ERC1: variants seen among roughly 807,000 people sequenced by gnomAD.
ERC1 encodes ELKS/RAB6-interacting/CAST family member 1.
A neutral mutation model predicts 132.0 loss-of-function variants in ERC1; 56 were observed. The ratio of observed to expected loss-of-function variants is 0.42; its 90% CI spans 0.34 to 0.53. The LOEUF (loss-of-function observed/expected upper bound fraction) is 0.53. ERC1 is among the 20% of genes least tolerant of loss of function. ERC1 has a pLI of 0.03. For synonymous variants in ERC1, 478 were observed against 476.1 expected (o/e 1.00, Z -0.05); for missense variants, 1,202 against 1,349.9 (o/e 0.89, Z 1.72).
At chr12:1,188,281 C>T (rs1166219743) in intron 11 of ERC1, among the ~76,000 whole-genome samples, 1 of 152,122 alleles carries the variant, frequency 6.6e-6, no homozygotes. Flanking sequence ...GTTGTCCCCT[C>T]TCTTTATGTG....
intron 4 of ERC1, 24 bp from the exon 5 acceptor site, chr12:1,110,168 C>T: frequency 6.4e-7 from 1 of 1,564,236 alleles, no homozygotes; most frequent in Non-Finnish European, 8.6e-7. Context: ...ATACTTCAAT[C>T]ACTAAATCTT....
chr12:1,470,327 C>T (rs534360111), intron 18 of ERC1, among the ~76,000 whole-genome samples: 19 of 152,166 alleles, frequency 1.2e-4, no homozygotes, highest in South Asian at 8.3e-4. Flanking sequence ...ATTGCCTGGA[C>T]GTGGATCAGG....
At chr12:1,183,474 A>G (rs1954713892) in intron 11 of ERC1, 53 bp downstream of exon 11, 13 of 1,281,254 alleles carry the variant, frequency 1.0e-5, no homozygotes, top group Non-Finnish European at 1.3e-5. Flanking sequence ...AGAACATAGT[A>G]GATAACCTTA....
At chr12:1,460,735 T>G (rs2093627525) in intron 18 of ERC1, among the ~76,000 whole-genome samples, 1 of 151,676 alleles carries the variant, frequency 6.6e-6, no homozygotes, top group Non-Finnish European at 1.5e-5. Context: ...GTGGTGTTTT[T>G]CTAACCCTGA....
At chr12:1,446,055 G>T (rs962198814) in intron 18 of ERC1, among the ~76,000 whole-genome samples, 2 of 152,242 alleles carry the variant, frequency 1.3e-5, no homozygotes, top group Admixed American at 6.5e-5. Flanking sequence ...ATACCATCAC[G>T]TTGGGGGTTG....
chr12:1,246,149 T>G (rs1036528555), intron 13 of ERC1, among the ~76,000 whole-genome samples: 1 of 152,156 alleles, frequency 6.6e-6, no homozygotes, highest in African/African-American at 2.4e-5. Flanking sequence ...TGTCGTAGAT[T>G]TATATGCATA....
intron 15 of ERC1, among the ~76,000 whole-genome samples, chr12:1,332,218 T>C (rs2154358354): frequency 6.6e-6 from 1 of 152,346 alleles, no homozygotes; most frequent in South Asian, 2.1e-4. Context: ...ATTTTTTTAT[T>C]TTGCTAAAGA....
chr12:1,344,270 C>T (rs998816579), intron 15 of ERC1, among the ~76,000 whole-genome samples: 5 of 152,184 alleles, frequency 3.3e-5, no homozygotes, highest in South Asian at 4.2e-4. Flanking sequence ...TTAAAAGATA[C>T]CTGGCCTGGT....
At chr12:1,184,409 T>C (rs1338511797) in intron 11 of ERC1, among the ~76,000 whole-genome samples, 4 of 152,188 alleles carry the variant, frequency 2.6e-5, no homozygotes, top group African/African-American at 9.6e-5. Context: ...GGTCTATTTT[T>C]TGGTTTATAG....
intron 7 of ERC1, among the ~76,000 whole-genome samples, chr12:1,135,432 T>C (rs751561073): frequency 4.5e-4 from 68 of 152,226 alleles, no homozygotes; most frequent in Non-Finnish European, 7.5e-4. Flanking sequence ...AAGTTTGTTG[T>C]GCTTTACCTA....
chr12:1,331,725 A>G (rs956678031), intron 15 of ERC1, among the ~76,000 whole-genome samples: 2 of 152,202 alleles, frequency 1.3e-5, no homozygotes, highest in Non-Finnish European at 2.9e-5. Context: ...CCCCTCATCC[A>G]GGAGGAGTGA....
chr12:1,464,995 T>G (rs1007298103), intron 18 of ERC1, among the ~76,000 whole-genome samples: 2 of 152,148 alleles, frequency 1.3e-5, no homozygotes, highest in African/African-American at 4.8e-5. Context: ...ATTGCTTTTT[T>G]CCTTTGTGTT....
intron 13 of ERC1, chr12:1,244,822 T>A (rs1249334958): frequency 5.5e-6 from 1 of 183,284 alleles, no homozygotes; most frequent in Non-Finnish European, 1.2e-5. Flanking sequence ...CCTGGCCTTA[T>A]ACTTAATGTT....
intron 2 of ERC1, among the ~76,000 whole-genome samples, chr12:1,030,214 A>G (rs1322940595): frequency 6.6e-6 from 1 of 152,202 alleles, no homozygotes; most frequent in African/African-American, 2.4e-5. Context: ...GTAATTAGCT[A>G]CCTCATTGTT....
At chr12:1,142,720 A>ATTTTATATTTTTTTTTTTTTTTTTAT (rs1949966652) in intron 8 of ERC1, among the ~76,000 whole-genome samples, 1 of 152,220 alleles carries the variant, frequency 6.6e-6, no homozygotes, top group Non-Finnish European at 1.5e-5. Context: ...CTTTCATTGT[A>ATTTTATATTTTTTTTTTTTTTTTTAT]AGTAAAGTCG....
chr12:1,112,340 A>G (rs1295322551), intron 6 of ERC1, 42 bp downstream of exon 6: 18 of 1,407,758 alleles, frequency 1.3e-5, no homozygotes, highest in Non-Finnish European at 1.8e-5. Flanking sequence ...CAGTGGTCCC[A>G]CAGTGGGACC....
chr12:1,440,504 C>T (rs918374303), intron 17 of ERC1, among the ~76,000 whole-genome samples: 1 of 143,400 alleles, frequency 7.0e-6, no homozygotes, highest in African/African-American at 2.7e-5. Flanking sequence ...CCGCGCCCGG[C>T]CTTTTTTTTT....
At chr12:1,277,885 C>T (rs566656848) in intron 14 of ERC1, among the ~76,000 whole-genome samples, 2 of 152,154 alleles carry the variant, frequency 1.3e-5, no homozygotes, top group Non-Finnish European at 2.9e-5. Flanking sequence ...AGAGATATGA[C>T]AGTTCACGAT....
chr12:1,268,225 C>T (rs2077595738), intron 14 of ERC1, among the ~76,000 whole-genome samples: 1 of 152,158 alleles, frequency 6.6e-6, no homozygotes, highest in Non-Finnish European at 1.5e-5. Context: ...TTATTCTTTA[C>T]TTTTATAAAC....
Sources: gnomAD v4.1 joint callset for allele counts (sites outside exome capture counted in the v4.1 genomes callset) on GRCh38, gnomAD v4.1.1 for gene constraint, MANE v1.5 for transcripts, NCBI Gene and HGNC (gene_info 2026-07-23, HGNC 2026-07-21) for gene names.